Variants in CELSR2 observed in about 807,000 individuals in gnomAD.
CELSR2 encodes the protein cadherin EGF LAG seven-pass G-type receptor 2.
Under a neutral mutation model 251.6 loss-of-function variants are expected in CELSR2, and 81 were observed. The observed-to-expected ratio is 0.32, with a 90% CI of 0.27 to 0.39. The LOEUF is 0.39. CELSR2 is among the 10% of genes least tolerant of loss of function. The pLI, the probability that CELSR2 is intolerant of heterozygous loss-of-function variation, is 1.00. For synonymous variants in CELSR2, 1,721 were observed against 1,670.5 expected (o/e 1.03, Z -0.74); for missense variants, 3,365 against 3,947.7 (o/e 0.85, Z 3.96).
intron 11 of CELSR2, 61 bp from the exon 12 acceptor site, chr1:109,264,807 G>A: frequency 6.2e-7 from 1 of 1,612,138 alleles, no homozygotes; most frequent in South Asian, 1.1e-5. Flanking sequence ...TGAAGGGTTT[G>A]ATGGAAGATG....
Position 109,250,743 on chromosome 1 carries a change from G to A in CELSR2, c.664G>A (p.Ala222Thr). ...AGGTCGACTGGAGTACACCATGGAT[G>A]CCCTCTTTGATAGCCGCTCCAACCA... ...EAGRLEYTMDALFDSRSNQFF... is the reference protein window; with the variant it reads ...EAGRLEYTMDTLFDSRSNQFF... Residue 222 changes from alanine to threonine, a missense_variant, in exon 1 of 34, where the codon GCC becomes ACC. By Grantham distance (58) the Ala-to-Thr change is moderately conservative. Coordinates refer to ENST00000271332, the MANE Select transcript of CELSR2 (RefSeq NM_001408.3). The surrounding 1 kb of genome is among the most constrained non-coding windows in gnomAD (Gnocchi z 4.4). The A allele has an allele frequency of 6.2e-7, 1 of 1,614,122 alleles. No homozygotes were observed. The highest frequency in any genetic ancestry group is 2.2e-5 in the East Asian group (1 of 44,880).
Position 109,265,731 on chromosome 1 carries a change from T to G in CELSR2, c.5728-4T>G, listed in dbSNP as rs1379555654. 6.2e-7 allele frequency: 1 copy of G among 1,605,622 alleles called. No homozygotes were observed. Among genetic ancestry groups the G allele is most frequent in the Non-Finnish European group, 8.5e-7 (1 of 1,173,314 alleles). ...AGTGACACCGTTCTTCCCTCCTTTC[T>G]CAGGAGAACCACTACCGGCCCCCAG... is the stretch of plus-strand genomic sequence containing the variant. On this transcript the variant is annotated splice_region_variant and splice_polypyrimidine_tract_variant and intron_variant, in intron 13 of 33. Transcript: ENST00000271332.
At position 109,271,057 on chromosome 1, in the gene CELSR2, G is replaced by C. The variant is rs770153879; in HGVS notation, c.7596+18G>C. ...CCGTCTCGGTGAGTGCTAGCAGGTG[G>C]GTTGGGTGTCACCTGTGGCCCTCCT... On this transcript the variant is annotated intron_variant, in intron 25 of 33. Transcript: ENST00000271332. 6.3e-7 allele frequency: 1 copy of C among 1,595,836 alleles called. No homozygotes were observed. Among genetic ancestry groups the C allele is most frequent in the South Asian group, 1.1e-5 (1 of 90,694 alleles).
intron 15 of CELSR2, among the ~76,000 whole-genome samples, chr1:109,267,111 G>C (rs1372859565): frequency 6.6e-6 from 1 of 152,024 alleles, no homozygotes; most frequent in African/African-American, 2.4e-5. Flanking sequence ...ATCATGCAGG[G>C]TTCCAATCGT....
chr1:109,261,447 G>A lies in CELSR2; in HGVS notation c.4182-66G>A, dbSNP rs968593991. The A allele has an allele frequency of 1.1e-5, 17 of 1,487,226 alleles. No individual in the cohort carries two copies. The highest frequency in any genetic ancestry group is 2.8e-5 in the African/African-American group (2 of 72,348). 92.1% of individuals were successfully genotyped at this position (1,487,226 alleles called of 1,614,324 possible). A position where few individuals can be genotyped will look rare whatever the true frequency, so the allele number is the denominator to read the frequency against. On this transcript the variant is annotated intron_variant, in intron 3 of 33. Coordinates refer to ENST00000271332, the MANE Select transcript of CELSR2 (RefSeq NM_001408.3). The surrounding 1 kb of genome is among the most constrained non-coding windows in gnomAD (Gnocchi z 4.8). Reference sequence around the variant, plus strand: ...GATCTCCCTCCCCTGCGCTGGTTAGGTGGCGGGGGTGCTGGCATCCAGGTG... The same window carrying A: ...GATCTCCCTCCCCTGCGCTGGTTAGATGGCGGGGGTGCTGGCATCCAGGTG...
rs759400632 is a variant in CELSR2, at chr1:109,251,214, C to T, written c.1135C>T (p.Arg379Trp). Residue 379 changes from arginine (R) to tryptophan (W), a missense_variant, in exon 1 of 34, where the codon CGG (arginine) becomes TGG (tryptophan). This residue lies in a region of CELSR2 where 704 missense variants were observed against 784.1 expected (regional missense o/e 0.90). Coordinates refer to ENST00000271332, the MANE Select transcript of CELSR2 (RefSeq NM_001408.3). The surrounding 1 kb of genome is among the most constrained non-coding windows in gnomAD (Gnocchi z 4.9). The stretch of plus-strand genomic sequence containing the variant: ...TGACCAGGGTCGGGACCCGGGTCCT[C>T]GGAGTACCACAGCCGCTGTTTTCCT... Reference protein sequence around the residue: ...ASDQGRDPGPRSTTAAVFLSV... With the variant: ...ASDQGRDPGPWSTTAAVFLSV... 13 of 1,613,822 alleles carry T rather than the reference C, an allele frequency of 8.1e-6. No individual in the cohort carries two copies. Among genetic ancestry groups the T allele is most frequent in the Non-Finnish European group, 1.1e-5 (13 of 1,179,976 alleles).
At position 109,270,551 on chromosome 1, in the gene CELSR2, C is replaced by T. The variant is rs766875004; in HGVS notation, c.7434C>T (p.Pro2478=). ...AGGTGCGCGATGTCAACACCGGCCCCATGCGCTTCTACTACATGCTGGGCT... is the reference window on the plus strand; with the variant it reads ...AGGTGCGCGATGTCAACACCGGCCCTATGCGCTTCTACTACATGCTGGGCT... ...LTEVRDVNTG[P]MRFYYMLGWG... is the part of the protein sequence containing the mutation. Residue 2478 remains proline (P), a synonymous_variant, in exon 24 of 34, where the codon CCC becomes CCT. Transcript: ENST00000271332. 2.8e-5 allele frequency: 45 copies of T among 1,614,076 alleles called. No individual in the cohort carries two copies. Among genetic ancestry groups the T allele is most frequent in the Non-Finnish European group, 3.6e-5 (43 of 1,180,038 alleles).
rs148771642 is a variant in CELSR2 at position 109,261,842 on chromosome 1, C to A, written c.4332C>A (p.Pro1444=). 21 of 1,594,884 alleles carry A rather than the reference C, an allele frequency of 1.3e-5. No homozygotes were observed. The highest frequency in any genetic ancestry group is 1.6e-5 in the Non-Finnish European group (19 of 1,169,278). ...CCACCACGGTGTCCCCATTCGTGCC[C>A]GGAGGAGTCAGTGATGGCCAGTGGC... ...ESTTTVSPFV[P]GGVSDGQWHT... is the part of the protein sequence containing the mutation. The change falls in exon 5 of 34, where the codon CCC becomes CCA. Residue 1444 remains proline, a synonymous_variant. Transcript: ENST00000271332. The surrounding 1 kb of genome is among the most constrained non-coding windows in gnomAD (Gnocchi z 4.8).
intron 1 of CELSR2, among the ~76,000 whole-genome samples, chr1:109,256,395 G>A (rs1234610656): frequency 1.3e-5 from 2 of 152,204 alleles, no homozygotes; most frequent in Non-Finnish European, 2.9e-5. Flanking sequence ...CAAGTGATGA[G>A]GCTGGAGGGT....
At position 109,250,839 on chromosome 1, in the gene CELSR2, A is replaced by T. The variant is rs775664283; in HGVS notation, c.760A>T (p.Thr254Ser). The change falls in exon 1 of 34, where the codon ACC becomes TCC. Residue 254 changes from threonine (T) to serine (S), a missense_variant. Physicochemically the swap from Thr to Ser is moderately conservative, Grantham distance 58. This residue lies in a region of CELSR2 where 704 missense variants were observed against 784.1 expected (regional missense o/e 0.90). Transcript: ENST00000271332. The surrounding 1 kb of genome is among the most constrained non-coding windows in gnomAD (Gnocchi z 4.4). ...AEELDRETKS[T>S]HVFRVTAQDH... ...GGAGCTGGATCGTGAGACCAAGAGCACCCACGTCTTCAGGGTCACGGCGCA... is the reference window on the plus strand; with the variant it reads ...GGAGCTGGATCGTGAGACCAAGAGCTCCCACGTCTTCAGGGTCACGGCGCA... 1.9e-6 allele frequency: 3 copies of T among 1,613,886 alleles called. No homozygotes were observed. The highest frequency in any genetic ancestry group is 2.5e-6 in the Non-Finnish European group (3 of 1,180,028).
rs1350494519 is a variant in CELSR2, at chr1:109,250,110, C to G, written c.31C>G (p.Pro11Ala). The change falls in exon 1 of 34, where the codon CCA (proline) becomes GCA (alanine). Residue 11 changes from proline to alanine, a missense_variant. By Grantham distance (27) the Pro-to-Ala change is conservative. This residue lies in a region of CELSR2 where 704 missense variants were observed against 784.1 expected (regional missense o/e 0.90). Transcript: ENST00000271332. This position sits in a 1 kb window ranked among gnomAD's most constrained non-coding sequence, Gnocchi z 4.4. ...GAGCCCGGCCACCGGCGTCCCCCTC[C>G]CAACGCCGCCGCCGCCGCTGCTGCT... MRSPATGVPL[P>A]TPPPPLLLLL... The G allele has an allele frequency of 1.4e-6, 2 of 1,423,870 alleles. No homozygotes were observed. The highest frequency in any genetic ancestry group is 4.3e-5 in the Admixed American group (2 of 46,748). 88.2% of individuals were successfully genotyped at this position (1,423,870 alleles called of 1,614,324 possible).
rs201504001 is a variant in CELSR2, at chr1:109,261,189, C to G, written c.4106C>G (p.Thr1369Arg). 1 of 1,614,136 alleles carries G rather than the reference C, an allele frequency of 6.2e-7. No homozygotes were observed. Among genetic ancestry groups the G allele is most frequent in the East Asian group, 2.2e-5 (1 of 44,886 alleles). ...GAGAAGCCCTACTGCCAGGTGACCA[C>G]GCGCAGCTTCCCCGCCCACTCCTTC... ...DFEKPYCQVT[T>R]RSFPAHSFIT... Residue 1369 changes from threonine (T) to arginine (R), a missense_variant, in exon 3 of 34, where the codon ACG becomes AGG. Physicochemically the swap from Thr to Arg is moderately conservative, Grantham distance 71. Around this residue, in one of 5 missense-constraint regions of CELSR2, gnomAD observed 2,093 missense variants for 2,382.8 expected, o/e 0.88. Coordinates refer to ENST00000271332, the MANE Select transcript of CELSR2 (RefSeq NM_001408.3). This position sits in a 1 kb window ranked among gnomAD's most constrained non-coding sequence, Gnocchi z 4.8.
rs562052478 is a variant in CELSR2, at chr1:109,267,732, G to A, written c.6108+90G>A. 10 of 1,560,048 alleles carry A rather than the reference G, an allele frequency of 6.4e-6. No homozygotes were observed. In the African/African-American group the frequency reaches 1.2e-4, roughly 19 times the overall value. On this transcript the variant is annotated intron_variant, in intron 16 of 33. Transcript: ENST00000271332. ...TCCCATCTTTGAGAACGGGGCTTCT[G>A]GAATTCCAGCCTGTGTGTTCCTGGG...
chr1:109,262,252 C>T, intron 5 of CELSR2, 35 bp from the exon 6 acceptor site: 1 of 1,607,964 alleles, frequency 6.2e-7, no homozygotes, highest in South Asian at 1.1e-5. Flanking sequence ...GCTCTGTACT[C>T]AGTGTCCCCC....
rs1402851335 is a variant in CELSR2, at chr1:109,251,919, G to C, written c.1840G>C (p.Glu614Gln). 1 of 1,614,124 alleles carries C rather than the reference G, an allele frequency of 6.2e-7. No individual in the cohort carries two copies. Among genetic ancestry groups the C allele is most frequent in the East Asian group, 2.2e-5 (1 of 44,876 alleles). ...NDNNPTFTQPEYTVRLNEDAA... is the reference protein window; with the variant it reads ...NDNNPTFTQPQYTVRLNEDAA... Reference sequence around the variant, plus strand: ...CAACAATCCAACCTTTACCCAACCAGAGTACACAGTGCGGCTCAATGAGGA... The same window carrying C: ...CAACAATCCAACCTTTACCCAACCACAGTACACAGTGCGGCTCAATGAGGA... Residue 614 changes from glutamate to glutamine, a missense_variant, in exon 1 of 34, where the codon GAG becomes CAG. By Grantham distance (29) the Glu-to-Gln change is conservative (BLOSUM62 2). This residue lies in a region of CELSR2 where 60 missense variants were observed against 104.8 expected (regional missense o/e 0.57). Coordinates refer to ENST00000271332, the MANE Select transcript of CELSR2 (RefSeq NM_001408.3). The surrounding 1 kb of genome is among the most constrained non-coding windows in gnomAD (Gnocchi z 4.9).
At chr1:109,260,878 C>A (rs907535812) in intron 2 of CELSR2, among the ~76,000 whole-genome samples, 164 bp from the exon 3 acceptor site, 1 of 152,130 alleles carries the variant, frequency 6.6e-6, no homozygotes, top group South Asian at 2.1e-4. Context: ...GACCATAGGT[C>A]TCAGAGAAGA....
intron 1 of CELSR2, among the ~76,000 whole-genome samples, chr1:109,255,006 C>A (rs182402368): frequency 0.072 from 11,026 of 152,258 alleles, 565 homozygotes; most frequent in Non-Finnish European, 0.1. Flanking sequence ...AGAGAAGCGC[C>A]CCCATTAAGC....
rs41279722 is a variant in CELSR2 at position 109,274,677 on chromosome 1, G to C, written c.*628G>C. ...GAACTGGAAAAGCCCTGTCCGGTGA[G>C]GGGGCAGAAGGACTCAGCGCCCCTG... On this transcript the variant is annotated 3_prime_UTR_variant, in exon 34 of 34. Transcript: ENST00000271332. 7.2e-3 allele frequency: 1,109 copies of C among 153,276 alleles called. 9 individuals carry two copies. Among genetic ancestry groups the C allele is most frequent in the Non-Finnish European group, 0.012 (845 of 68,450 alleles). 9.5% of individuals were successfully genotyped at this position (153,276 alleles called of 1,614,324 possible).
At position 109,251,520 on chromosome 1, in the gene CELSR2, C is replaced by T; in HGVS notation, c.1441C>T (p.Arg481Cys). 2 of 1,613,628 alleles carry T rather than the reference C, an allele frequency of 1.2e-6. No individual in the cohort carries two copies. Among genetic ancestry groups the T allele is most frequent in the South Asian group, 1.1e-5 (1 of 91,074 alleles). Residue 481 changes from arginine to cysteine, a missense_variant, in exon 1 of 34, where the codon CGT (arginine) becomes TGT (cysteine). Coordinates refer to ENST00000271332, the MANE Select transcript of CELSR2 (RefSeq NM_001408.3). This position sits in a 1 kb window ranked among gnomAD's most constrained non-coding sequence, Gnocchi z 4.9. Reference protein sequence around the residue: ...TLRVRAQDGGRPPLSNVSGLV... With the variant: ...TLRVRAQDGGCPPLSNVSGLV... ...ACGGGTGCGAGCACAGGATGGTGGC[C>T]GTCCCCCACTCTCTAATGTCTCTGG...
Sources: gnomAD v4.1 joint callset for allele counts (sites outside exome capture counted in the v4.1 genomes callset) on GRCh38, gnomAD v4.1.1 for gene constraint, gnomAD v4.1.1 regional missense constraint, Gnocchi (gnomAD v3.1) non-coding constraint, MANE v1.5 for transcripts, NCBI Gene and HGNC (gene_info 2026-07-23, HGNC 2026-07-21) for gene names.